JMJD1C: variants seen among roughly 807,000 people sequenced by gnomAD.
JMJD1C encodes jumonji domain-containing protein 1C.
Under a neutral mutation model 245.3 loss-of-function variants are expected in JMJD1C, and 31 were observed. That is an observed-to-expected ratio of 0.13 (90% CI 0.09 to 0.17). The LOEUF is 0.17. Among genes scored for constraint, JMJD1C ranks in the 10% least tolerant of loss-of-function variants. JMJD1C has a pLI of 1.00. For missense variants in JMJD1C, 2,691 were observed against 3,000.2 expected (o/e 0.90, Z 2.41); for synonymous variants, 1,057 against 1,017.4 (o/e 1.04, Z -0.74).
At position 63,296,612 on chromosome 10, in the gene JMJD1C, C is replaced by G. The variant is rs576299173; in HGVS notation, c.334-31848G>C. 2.1e-3 allele frequency among the ~76,000 whole-genome samples: 325 copies of G among 152,304 alleles called. 1 individual carries two copies. Among genetic ancestry groups the G allele is most frequent in the African/African-American group, 7.6e-3 (315 of 41,564 alleles). On this transcript the variant is annotated intron_variant, in intron 2 of 25. Coordinates refer to ENST00000399262, the MANE Select transcript of JMJD1C (RefSeq NM_032776.3). ...AAGCAGAACATCACCTGTTCAATCT[C>G]AGTTGGAAATGTGCGTATAGGTGAC...
intron 1 of JMJD1C, among the ~76,000 whole-genome samples, chr10:63,409,562 A>G (rs1005403859): frequency 6.6e-6 from 1 of 152,174 alleles, no homozygotes; most frequent in African/African-American, 2.4e-5. Context: ...GAGTAAAGGA[A>G]AAATCAATTC....
chr10:63,233,898 C>T (rs1850332554), intron 3 of JMJD1C, among the ~76,000 whole-genome samples: 1 of 151,556 alleles, frequency 6.6e-6, no homozygotes, highest in Admixed American at 6.6e-5. Context: ...TTGCAATGAC[C>T]ATGTTTTGCT....
chr10:63,311,929 G>T (rs1409114152), intron 2 of JMJD1C, among the ~76,000 whole-genome samples: 2 of 152,048 alleles, frequency 1.3e-5, no homozygotes, highest in Non-Finnish European at 2.9e-5. Context: ...TTTATTATAT[G>T]CTTTCACTTA....
intron 2 of JMJD1C, among the ~76,000 whole-genome samples, chr10:63,272,573 G>A (rs1217409329): frequency 6.6e-6 from 1 of 152,106 alleles, no homozygotes; most frequent in Non-Finnish European, 1.5e-5. Context: ...AGAACGAAGT[G>A]TTTTTAATAA....
At chr10:63,273,058 A>G (rs1490183124) in intron 2 of JMJD1C, among the ~76,000 whole-genome samples, 1 of 152,242 alleles carries the variant, frequency 6.6e-6, no homozygotes, top group Non-Finnish European at 1.5e-5. Flanking sequence ...AGTATTTCAC[A>G]CTACATCATG....
chr10:63,351,711 T>C (rs909330710), intron 2 of JMJD1C, among the ~76,000 whole-genome samples: 2 of 152,160 alleles, frequency 1.3e-5, no homozygotes, highest in African/African-American at 4.8e-5. Flanking sequence ...CTCATTGGGA[T>C]AACAGAGTAC....
rs756509724 is a variant in JMJD1C, at chr10:63,425,118, T to TG, written c.168+40376dup. Among the ~76,000 whole-genome samples, 75 of 152,116 alleles carry TG rather than the reference T, an allele frequency of 4.9e-4. 1 individual carries two copies. The highest frequency in any genetic ancestry group is 2.4e-3 in the Admixed American group (37 of 15,288). ...AATTTTAGAAATTCACCTTATTTTC[T>TG]GGGAAAAAAATAAAAGTGGAAAAGA... On this transcript the variant is annotated intron_variant, in intron 1 of 25. Transcript: ENST00000399262.
At chr10:63,439,341 A>T (rs537899596) in intron 1 of JMJD1C, among the ~76,000 whole-genome samples, 9 of 152,322 alleles carry the variant, frequency 5.9e-5, no homozygotes, top group Admixed American at 2.0e-4. Context: ...TAACAGCCAC[A>T]TGAAGAACCT....
chr10:63,189,528 T>A, intron 17 of JMJD1C, 82 bp from the exon 18 acceptor site: 1 of 1,155,566 alleles, frequency 8.7e-7, no homozygotes, highest in Non-Finnish European at 1.2e-6. Context: ...TTATTTTTTT[T>A]TAAACAATAT....
At chr10:63,433,547 CT>C (rs1471564193) in intron 1 of JMJD1C, among the ~76,000 whole-genome samples, 2 of 150,670 alleles carry the variant, frequency 1.3e-5, no homozygotes, top group Admixed American at 1.3e-4. Flanking sequence ...TTTTCAAACT[CT>C]ACTGGGCAAG....
At chr10:63,274,153 C>T (rs1051367093) in intron 2 of JMJD1C, among the ~76,000 whole-genome samples, 2 of 152,118 alleles carry the variant, frequency 1.3e-5, no homozygotes, top group Non-Finnish European at 2.9e-5. Flanking sequence ...ACTTGACTGG[C>T]CTTACAAGAA....
intron 2 of JMJD1C, among the ~76,000 whole-genome samples, chr10:63,346,214 G>T (rs1943804828): frequency 1.3e-5 from 2 of 152,072 alleles, no homozygotes; most frequent in African/African-American, 4.8e-5. Flanking sequence ...ACTGGGAAAT[G>T]AATCATTTTT....
intron 2 of JMJD1C, among the ~76,000 whole-genome samples, chr10:63,290,967 T>A (rs1858605182): frequency 6.6e-6 from 1 of 152,178 alleles, no homozygotes; most frequent in Non-Finnish European, 1.5e-5. Context: ...AGATATTTAG[T>A]AAGAAAAATC....
At chr10:63,387,674 C>T (rs1280906064) in intron 1 of JMJD1C, among the ~76,000 whole-genome samples, 2 of 103,152 alleles carry the variant, frequency 1.9e-5, no homozygotes, top group East Asian at 3.0e-4. Flanking sequence ...CTCGCTCTGT[C>T]GCCCAGGCTA....
intron 1 of JMJD1C, among the ~76,000 whole-genome samples, chr10:63,415,741 C>A (rs1589704666): frequency 1.3e-5 from 2 of 152,222 alleles, no homozygotes; most frequent in East Asian, 3.9e-4. Flanking sequence ...TCCTTAAAAT[C>A]GTCTCATAAC....
rs1006439536 is a variant in JMJD1C, at chr10:63,214,518, T to G, written c.1649A>C (p.Asn550Thr). Residue 550 changes from asparagine to threonine, a missense_variant, in exon 8 of 26, where the codon AAT becomes ACT. This residue lies in a region of JMJD1C where 1,562 missense variants were observed against 1,490.7 expected (regional missense o/e 1.05). Transcript: ENST00000399262. ...NVSDSKHSIA[N>T]AKFLETAKKD... is the part of the protein sequence containing the mutation. Reference sequence around the variant, plus strand: ...TTTTGCTGTTTCCAAGAATTTTGCATTTGCAATAGAGTGTTTTGAATCACT... The same window carrying G: ...TTTTGCTGTTTCCAAGAATTTTGCAGTTGCAATAGAGTGTTTTGAATCACT... The G allele has an allele frequency of 1.9e-6, 3 of 1,613,876 alleles. No individual in the cohort carries two copies. The highest frequency in any genetic ancestry group is 3.3e-5 in the Admixed American group (2 of 59,998).
exon 1 of JMJD1C, chr10:63,521,794 C>T (rs1467714390): frequency 1.3e-5 from 4 of 314,870 alleles, no homozygotes; most frequent in Non-Finnish European, 2.3e-5. Flanking sequence ...GCTGCGGCGA[C>T]TGCGGCTGCG....
chr10:63,203,903 A>C (rs1589138135), intron 10 of JMJD1C: 1 of 979,678 alleles, frequency 1.0e-6, no homozygotes, highest in East Asian at 1.1e-4. Context: ...ACTAAACAAT[A>C]GAAAGAAAAT....
intron 1 of JMJD1C, 143 bp downstream of exon 1, chr10:63,465,352 G>A (rs1953143287): frequency 3.5e-6 from 3 of 851,964 alleles, no homozygotes; most frequent in Non-Finnish European, 5.3e-6. Flanking sequence ...AGGGATGCGG[G>A]CAAACGCGCC....
Sources: gnomAD v4.1 joint callset for allele counts (sites outside exome capture counted in the v4.1 genomes callset) on GRCh38, gnomAD v4.1.1 for gene constraint, gnomAD v4.1.1 regional missense constraint, MANE v1.5 for transcripts, NCBI Gene and HGNC (gene_info 2026-07-23, HGNC 2026-07-21) for gene names.